PDGFRA: variants seen among roughly 807,000 people sequenced by gnomAD.
PDGFRA encodes the protein platelet-derived growth factor receptor alpha.
A neutral mutation model predicts 121.5 loss-of-function variants in PDGFRA; 25 were observed. The observed-to-expected ratio is 0.21, with a 90% confidence interval of 0.15 to 0.29. The LOEUF (loss-of-function observed/expected upper bound fraction) is 0.29, where lower values mean the gene tolerates loss of function less well. Among genes scored for constraint, PDGFRA ranks in the 10% least tolerant of loss-of-function variants. The pLI is 1.00. For missense variants in PDGFRA, 1,008 were observed against 1,345.1 expected (o/e 0.75, Z 3.92); for synonymous variants, 463 against 494.8 (o/e 0.94, Z 0.85).
rs1485411335 is a variant in PDGFRA, at chr4:54,270,796, C to T, written c.1237+48C>T. On this transcript the variant is annotated intron_variant, in intron 8 of 22. Coordinates refer to ENST00000257290, the MANE Select transcript of PDGFRA (RefSeq NM_006206.6). ...TAATGCTAGCTCTGTAGATGAGTGT[C>T]TTCCAAGGAAAGCCTGGCACTTTTC... The T allele has an allele frequency of 2.8e-6, 3 of 1,078,214 alleles. No individual in the cohort carries two copies. In the Admixed American group the frequency reaches 5.1e-5, roughly 18 times the overall value. 66.8% of individuals were successfully genotyped at this position (1,078,214 alleles called of 1,614,324 possible).
chr4:54,244,032 C>T (rs987592544), intron 1 of PDGFRA, among the ~76,000 whole-genome samples: 1 of 152,244 alleles, frequency 6.6e-6, no homozygotes, highest in Non-Finnish European at 1.5e-5. Flanking sequence ...CACCATTGCC[C>T]AGGCTTGCTT....
At chr4:54,252,440 C>T (rs1159091100) in intron 1 of PDGFRA, among the ~76,000 whole-genome samples, 1 of 152,182 alleles carries the variant, frequency 6.6e-6, no homozygotes, top group Non-Finnish European at 1.5e-5. Flanking sequence ...TATGATTTGT[C>T]CTCACTGTAC....
chr4:54,277,073 G>A (rs1401578430), intron 12 of PDGFRA: 2 of 421,788 alleles, frequency 4.7e-6, no homozygotes, highest in Non-Finnish European at 4.4e-6. Flanking sequence ...AGCCCCGAAG[G>A]CAAGAGGATC....
chr4:54,291,659 G>A (rs1383602643), intron 22 of PDGFRA, among the ~76,000 whole-genome samples: 1 of 151,514 alleles, frequency 6.6e-6, no homozygotes, highest in East Asian at 2.0e-4. Flanking sequence ...GAGAAAAGGG[G>A]AAGCGTATAC....
At position 54,288,882 on chromosome 4, in the gene PDGFRA, C is replaced by A. The variant is rs2110345001; in HGVS notation, c.2758C>A (p.His920Asn). 1 of 1,607,980 alleles carries A rather than the reference C, an allele frequency of 6.2e-7. No individual in the cohort carries two copies. The highest frequency in any genetic ancestry group is 8.5e-7 in the Non-Finnish European group (1 of 1,174,382). Residue 920 changes from histidine (H) to asparagine (N), a missense_variant, in exon 20 of 23, where the codon CAC becomes AAC. Physicochemically the swap from His to Asn is moderately conservative, Grantham distance 68. Around this residue, in one of 5 missense-constraint regions of PDGFRA, gnomAD observed 204 missense variants for 243.0 expected, o/e 0.84. Coordinates refer to ENST00000257290, the MANE Select transcript of PDGFRA (RefSeq NM_006206.6). ...KSGYRMAKPD[H>N]ATSEVYEIMV... is the part of the protein sequence containing the mutation. ...TGGGTACCGGATGGCCAAGCCTGACCACGCTACCAGTGAAGTGTGAGCTCC... is the reference window on the plus strand; with the variant it reads ...TGGGTACCGGATGGCCAAGCCTGACAACGCTACCAGTGAAGTGTGAGCTCC...
intron 15 of PDGFRA, 128 bp downstream of exon 15, chr4:54,278,643 C>A: frequency 1.2e-6 from 1 of 840,048 alleles, no homozygotes; most frequent in Non-Finnish European, 2.0e-6. Context: ...AGAGTCAAAC[C>A]ACCCTGTCCA....
At chr4:54,245,395 T>C (rs1055477597) in intron 1 of PDGFRA, among the ~76,000 whole-genome samples, 10 of 151,848 alleles carry the variant, frequency 6.6e-5, no homozygotes, top group African/African-American at 2.4e-4. Context: ...CAGAAGAGAG[T>C]GGGGGCCAAT....
chr4:54,252,400 C>T (rs886729851), intron 1 of PDGFRA, among the ~76,000 whole-genome samples: 25 of 152,086 alleles, frequency 1.6e-4, no homozygotes, highest in African/African-American at 6.0e-4. Flanking sequence ...ATTAATCTTC[C>T]AGATTTCACC....
intron 16 of PDGFRA, among the ~76,000 whole-genome samples, chr4:54,284,877 A>T (rs1388999): frequency 0.96 from 123,844 of 128,912 alleles, 59,717 homozygotes; most frequent in East Asian, 1. Flanking sequence ...CATTCTTTCT[A>T]TCTTTTTTTT....
At chr4:54,284,879 C>CT (rs5858264) in intron 16 of PDGFRA, among the ~76,000 whole-genome samples, 1,072 of 101,220 alleles carry the variant, frequency 0.011, 128 homozygotes, top group African/African-American at 0.026. Flanking sequence ...TTCTTTCTAT[C>CT]TTTTTTTTTT....
chr4:54,268,318 T>G (rs1350525119), intron 7 of PDGFRA, among the ~76,000 whole-genome samples: 4 of 152,188 alleles, frequency 2.6e-5, no homozygotes, highest in Admixed American at 2.0e-4. Flanking sequence ...GAGTTTTGAA[T>G]GAGTCACCCC....
At chr4:54,293,021 CATAAA>C (rs777944886) in intron 22 of PDGFRA, among the ~76,000 whole-genome samples, 60 of 152,224 alleles carry the variant, frequency 3.9e-4, no homozygotes, top group Admixed American at 2.9e-3. Context: ...TGCCCTTGAA[CATAAA>C]ATAAAAGTTA....
chr4:54,281,940 G>T, intron 16 of PDGFRA: 1 of 1,106,678 alleles, frequency 9.0e-7, no homozygotes, highest in Non-Finnish European at 1.1e-6. Context: ...TACTACAAAG[G>T]TGGCTTTAAA....
At chr4:54,281,531 A>G in intron 16 of PDGFRA, 1 of 1,252,504 alleles carries the variant, frequency 8.0e-7, no homozygotes, top group Non-Finnish European at 1.1e-6. Context: ...CGGAACCAGT[A>G]CTTCCTCTCC....
rs754642977 is a variant in PDGFRA, at chr4:54,297,891, G to T, written c.*2619G>T. ...TGTGAAGAGGGACATAAGATAAAAT[G>T]ATGTTATACATCAATATGTATATAT... On this transcript the variant is annotated 3_prime_UTR_variant, in exon 23 of 23. Transcript: ENST00000257290. 3.4e-5 allele frequency: 8 copies of T among 233,198 alleles called. No individual in the cohort carries two copies. Among genetic ancestry groups the T allele is most frequent in the Non-Finnish European group, 6.8e-5 (8 of 117,860 alleles). The allele number at this position is 233,198 out of a possible 1,614,324, so 14.4% of individuals were successfully genotyped here. A position where few individuals can be genotyped will look rare whatever the true frequency, so the allele number is the denominator to read the frequency against.
intron 22 of PDGFRA, among the ~76,000 whole-genome samples, chr4:54,291,372 A>C (rs989441596): frequency 3.9e-5 from 6 of 152,250 alleles, no homozygotes; most frequent in Admixed American, 6.5e-5. Flanking sequence ...TATCTCACCC[A>C]AAACAGGGAC....
intron 12 of PDGFRA, chr4:54,277,116 A>C: frequency 6.2e-6 from 3 of 484,956 alleles, no homozygotes; most frequent in Admixed American, 3.3e-5. Context: ...GCTGGTAGAC[A>C]GCGCGCTCAC....
chr4:54,263,993 G>C (rs2110254705), intron 4 of PDGFRA, 66 bp downstream of exon 4: 2 of 1,454,644 alleles, frequency 1.4e-6, no homozygotes, highest in Non-Finnish European at 1.9e-6. Context: ...GTGCGTGTAG[G>C]ATTTTTTTTT....
chr4:54,287,021 G>C (rs1724395218), intron 18 of PDGFRA, among the ~76,000 whole-genome samples: 1 of 152,138 alleles, frequency 6.6e-6, no homozygotes, highest in Admixed American at 6.5e-5. Context: ...CATCCATGCT[G>C]TGTGTGATTC....
Sources: allele counts gnomAD v4.1 joint callset (sites outside exome capture counted in the v4.1 genomes callset), GRCh38; gene constraint gnomAD v4.1.1; regional missense constraint gnomAD v4.1.1; transcripts MANE v1.5; gene names NCBI Gene and HGNC (gene_info 2026-07-23, HGNC 2026-07-21).